The following GRB2 variants were observed in gnomAD, a reference collection of about 807,000 sequenced individuals.
GRB2 encodes the protein growth factor receptor bound protein 2.
A neutral mutation model predicts 27.4 loss-of-function variants in GRB2; 2 were observed. The observed-to-expected ratio is 0.07, with a 90% CI of 0.03 to 0.23. The LOEUF is 0.23. Ranked by LOEUF, GRB2 falls within the 10% of genes least tolerant of loss-of-function variation. The pLI, the probability that GRB2 is intolerant of heterozygous loss-of-function variation, is 1.00. For synonymous variants in GRB2, 94 were observed against 99.6 expected, an observed-to-expected ratio of 0.94 and a Z score of 0.33; for missense variants, 102 against 282.4, an observed-to-expected ratio of 0.36 and a Z score of 4.58.
intron 2 of GRB2, among the ~76,000 whole-genome samples, chr17:75,350,782 G>T (rs1036381341): frequency 4.6e-5 from 7 of 152,196 alleles, no homozygotes. Flanking sequence ...GTGAAGCACC[G>T]TGCCTGGCCA....
At chr17:75,399,105 T>C (rs1431618821) in intron 1 of GRB2, among the ~76,000 whole-genome samples, 2 of 151,944 alleles carry the variant, frequency 1.3e-5, no homozygotes, top group African/African-American at 4.8e-5. Flanking sequence ...TGAAGTGCAG[T>C]GGAGCAATCA....
chr17:75,372,484 A>G (rs2078862504), intron 2 of GRB2: 1 of 152,210 alleles, frequency 6.6e-6, no homozygotes, highest in African/African-American at 2.4e-5. Context: ...CACAATAATC[A>G]CCAAGAGTTT....
intron 2 of GRB2, chr17:75,371,883 T>C (rs1240311720): frequency 6.6e-6 from 1 of 152,150 alleles, no homozygotes; most frequent in African/African-American, 2.4e-5. Flanking sequence ...TGGAACACTG[T>C]AGAGCTTTCT....
intron 3 of GRB2, among the ~76,000 whole-genome samples, chr17:75,329,645 C>A (rs1003754668): frequency 6.6e-6 from 1 of 152,286 alleles, no homozygotes; most frequent in South Asian, 2.1e-4. Context: ...TTAATTCCAG[C>A]ACTTTGGGAG....
chr17:75,343,676 T>C (rs2078636696), intron 2 of GRB2, among the ~76,000 whole-genome samples: 1 of 98,602 alleles, frequency 1.0e-5, no homozygotes, highest in South Asian at 3.5e-4. Flanking sequence ...GAAACCTAAA[T>C]GCATAGACAA....
chr17:75,330,358 G>C (rs961025934), intron 3 of GRB2, among the ~76,000 whole-genome samples: 1 of 151,716 alleles, frequency 6.6e-6, no homozygotes, highest in African/African-American at 2.4e-5. Flanking sequence ...CTCTAGCCTG[G>C]CGACAGAGCG....
intron 2 of GRB2, among the ~76,000 whole-genome samples, chr17:75,381,715 C>A: frequency 8.5e-6 from 1 of 117,014 alleles, no homozygotes. Flanking sequence ...TGCAAGACTC[C>A]GTCTCAAAAA....
chr17:75,321,698 G>A lies in GRB2; in HGVS notation c.429C>T (p.Asn143=). The A allele has an allele frequency of 1.2e-6, 2 of 1,614,120 alleles. No homozygotes were observed. The highest frequency in any genetic ancestry group is 2.7e-5 in the African/African-American group (2 of 75,030). ...DYHRSTSVSR[N]QQIFLRDIEQ... ...CTATGTCCCGCAGGAATATCTGCTGGTTTCTGGAGACAGATGTAGATCTGT... is the reference window on the plus strand; with the variant it reads ...CTATGTCCCGCAGGAATATCTGCTGATTTCTGGAGACAGATGTAGATCTGT... The change falls in exon 5 of 6, where the codon AAC becomes AAT. Residue 143 remains asparagine, a synonymous_variant. Transcript: ENST00000316804.
At chr17:75,358,699 CTAA>C (rs1567866348) in intron 2 of GRB2, among the ~76,000 whole-genome samples, 1 of 28,640 alleles carries the variant, frequency 3.5e-5, no homozygotes, top group East Asian at 1.5e-3. Flanking sequence ...CCCATCTCTA[CTAA>C]AAAAAAAAAA....
intron 3 of GRB2, among the ~76,000 whole-genome samples, chr17:75,328,114 A>C (rs9910601): frequency 0.59 from 88,940 of 151,616 alleles, 31,218 homozygotes; most frequent in East Asian, 0.87. Flanking sequence ...ACTTGAGGTC[A>C]GGAGTTTGAG....
intron 2 of GRB2, among the ~76,000 whole-genome samples, chr17:75,360,930 G>A (rs1030198865): frequency 6.6e-6 from 1 of 151,216 alleles, no homozygotes; most frequent in African/African-American, 2.4e-5. Flanking sequence ...GCCACGCCCA[G>A]CTAATTTTAA....
chr17:75,325,529 A>T (rs560804307), intron 4 of GRB2, among the ~76,000 whole-genome samples: 1 of 152,332 alleles, frequency 6.6e-6, no homozygotes, highest in Admixed American at 6.5e-5. Flanking sequence ...GATTTAAGTC[A>T]GTGGACCTGA....
chr17:75,387,787 G>T, intron 2 of GRB2: 1 of 151,170 alleles, frequency 6.6e-6, no homozygotes, highest in African/African-American at 2.4e-5. Flanking sequence ...GACAGAGTGA[G>T]ACTTCGCCTA....
At position 75,319,501 on chromosome 17, in the gene GRB2, C is replaced by G. The variant is rs529548195; in HGVS notation, c.*867G>C. On this transcript the variant is annotated 3_prime_UTR_variant, in exon 6 of 6. Transcript: ENST00000316804. ...TCGCTCTGTCACCCAGGCTGGAGTA[C>G]AATGGCACGGTCCCGGCTCACTCAA... 6.9e-6 allele frequency: 1 copy of G among 145,770 alleles called. No individual in the cohort carries two copies. Among genetic ancestry groups the G allele is most frequent in the Non-Finnish European group, 1.5e-5 (1 of 67,112 alleles). 9.0% of individuals were successfully genotyped at this position (145,770 alleles called of 1,614,324 possible). A position where few individuals can be genotyped will look rare whatever the true frequency, so the allele number is the denominator to read the frequency against.
chr17:75,368,526 GTTTT>G (rs1216199577), intron 2 of GRB2, among the ~76,000 whole-genome samples: 1 of 141,854 alleles, frequency 7.0e-6, no homozygotes, highest in African/African-American at 2.6e-5. Context: ...TCAGGCGTTT[GTTTT>G]TTTTTTTGTT....
At chr17:75,332,837 C>T (rs977967649) in intron 2 of GRB2, 40 bp from the exon 3 acceptor site, 5 of 1,284,510 alleles carry the variant, frequency 3.9e-6, no homozygotes, top group Non-Finnish European at 5.6e-6. Context: ...CAATCATTTC[C>T]TTTTCCCTTT....
intron 4 of GRB2, among the ~76,000 whole-genome samples, chr17:75,325,322 A>T (rs1241279963): frequency 3.9e-5 from 6 of 152,204 alleles, no homozygotes; most frequent in African/African-American, 1.4e-4. Flanking sequence ...TTCACAGCTG[A>T]GGTGTGAATT....
At chr17:75,365,165 G>A (rs35515214) in intron 2 of GRB2, among the ~76,000 whole-genome samples, 2,541 of 152,136 alleles carry the variant, frequency 0.017, 26 homozygotes, top group Non-Finnish European at 0.026. Flanking sequence ...GCAGGTGTCC[G>A]ACACCAACCC....
At chr17:75,339,673 C>A (rs2078607393) in intron 2 of GRB2, among the ~76,000 whole-genome samples, 2 of 147,618 alleles carry the variant, frequency 1.4e-5, no homozygotes, top group South Asian at 4.2e-4. Context: ...GTTACCCAGG[C>A]TGGAGTGCAA....
Sources: gnomAD v4.1 joint callset for allele counts (sites outside exome capture counted in the v4.1 genomes callset) on GRCh38, gnomAD v4.1.1 for gene constraint, MANE v1.5 for transcripts, NCBI Gene and HGNC (gene_info 2026-07-23, HGNC 2026-07-21) for gene names.